Variants in PRKG1 observed in about 807,000 individuals in gnomAD.
PRKG1 encodes cGMP-dependent protein kinase 1.
Under a neutral mutation model 88.1 loss-of-function variants are expected in PRKG1, and 35 were observed. The observed-to-expected ratio is 0.40, with a 90% CI of 0.30 to 0.53. The LOEUF (loss-of-function observed/expected upper bound fraction) is 0.53, where lower values mean the gene tolerates loss of function less well. Ranked by LOEUF, PRKG1 falls within the 20% of genes least tolerant of loss-of-function variation. The pLI is 0.59. For synonymous variants in PRKG1, 303 were observed against 292.5 expected, an observed-to-expected ratio of 1.04 and a Z score of -0.37; for missense variants, 540 against 839.8, an observed-to-expected ratio of 0.64 and a Z score of 4.41.
chr10:51,192,832 A>T (rs1837664493), intron 2 of PRKG1, among the ~76,000 whole-genome samples: 1 of 151,966 alleles, frequency 6.6e-6, no homozygotes, highest in Admixed American at 6.6e-5. Context: ...ATGGCCATTC[A>T]TATCTGGAAG....
At chr10:52,209,937 G>A (rs535965426) in intron 9 of PRKG1, among the ~76,000 whole-genome samples, 9 of 152,118 alleles carry the variant, frequency 5.9e-5, no homozygotes, top group Non-Finnish European at 1.0e-4. Flanking sequence ...GTAACCATTT[G>A]CAAATCAGAA....
At chr10:51,834,047 TTAGGGCTAAATAGTATTCCATTGTGTA>T (rs1403173822) in intron 4 of PRKG1, among the ~76,000 whole-genome samples, 1 of 152,204 alleles carries the variant, frequency 6.6e-6, no homozygotes, top group Admixed American at 6.5e-5. Context: ...TGTTTTCTTT[TTAGGGCTAAATAGTATTCCATTGTGTA>T]TAGGGCTAAA....
intron 3 of PRKG1, among the ~76,000 whole-genome samples, chr10:51,514,052 C>G: frequency 7.0e-6 from 1 of 142,674 alleles, no homozygotes; most frequent in African/African-American, 2.7e-5. Context: ...ATCAATGAAT[C>G]CAGGAGCTGG....
intron 5 of PRKG1, among the ~76,000 whole-genome samples, chr10:51,914,337 C>CA (rs1266244366): frequency 1.3e-5 from 2 of 151,930 alleles, no homozygotes; most frequent in Admixed American, 6.6e-5. Context: ...TAATATGTCA[C>CA]AAAAAGCACT....
At chr10:51,906,007 G>GTGT (rs1429069888) in intron 4 of PRKG1, among the ~76,000 whole-genome samples, 1 of 152,152 alleles carries the variant, frequency 6.6e-6, no homozygotes, top group Non-Finnish European at 1.5e-5. Flanking sequence ...TGTAGTACGA[G>GTGT]ATTAAAGAGA....
intron 3 of PRKG1, among the ~76,000 whole-genome samples, chr10:51,700,348 A>G (rs1204860063): frequency 6.6e-6 from 1 of 152,192 alleles, no homozygotes; most frequent in Non-Finnish European, 1.5e-5. Context: ...ACCGATTTCA[A>G]TATTAATTGG....
At position 52,251,701 on chromosome 10, in the gene PRKG1, T is replaced by C. The variant is rs752621607; in HGVS notation, c.1173+35T>C. 2.6e-6 allele frequency: 4 copies of C among 1,519,578 alleles called. No homozygotes were observed. In the South Asian group the frequency reaches 3.5e-5, roughly 13 times the overall value. The allele number at this position is 1,519,578 out of a possible 1,614,324, so 94.1% of individuals were successfully genotyped here. On this transcript the variant is annotated intron_variant, in intron 10 of 17. Coordinates refer to ENST00000373980, the MANE Select transcript of PRKG1 (RefSeq NM_006258.4). ...TGTTCTTTAAATGCTTTTGATCGCC[T>C]CTGCTTCCTTTTTAATTTTTTCCCC...
At chr10:51,967,116 T>C in intron 5 of PRKG1, among the ~76,000 whole-genome samples, 1 of 152,124 alleles carries the variant, frequency 6.6e-6, no homozygotes, top group Admixed American at 6.5e-5. Flanking sequence ...CACACGTATG[T>C]TTATTGCAGC....
intron 5 of PRKG1, among the ~76,000 whole-genome samples, chr10:51,951,797 T>C (rs1245552239): frequency 6.6e-6 from 1 of 152,184 alleles, no homozygotes; most frequent in Non-Finnish European, 1.5e-5. Context: ...AAGAGAAAGG[T>C]AACTGGAGTA....
chr10:51,375,425 G>GTTT (rs35026545), intron 2 of PRKG1, among the ~76,000 whole-genome samples: 16 of 146,240 alleles, frequency 1.1e-4, no homozygotes, highest in South Asian at 2.2e-4. Flanking sequence ...TGGATTTGGG[G>GTTT]TTTTTTTTTT....
At chr10:51,424,591 A>G (rs1838520088) in intron 2 of PRKG1, among the ~76,000 whole-genome samples, 2 of 152,146 alleles carry the variant, frequency 1.3e-5, no homozygotes, top group Non-Finnish European at 2.9e-5. Context: ...CTATATAGGT[A>G]CTTCTTGTCA....
At chr10:51,421,795 T>C (rs566777667) in intron 2 of PRKG1, among the ~76,000 whole-genome samples, 2 of 152,294 alleles carry the variant, frequency 1.3e-5, no homozygotes, top group East Asian at 1.9e-4. Flanking sequence ...GCCCACTCAT[T>C]CTAAGATCCC....
At chr10:51,728,690 C>G (rs1412722514) in intron 3 of PRKG1, among the ~76,000 whole-genome samples, 1 of 151,800 alleles carries the variant, frequency 6.6e-6, no homozygotes, top group Non-Finnish European at 1.5e-5. Flanking sequence ...TACAGAGTGA[C>G]AAATAAAAGG....
intron 3 of PRKG1, among the ~76,000 whole-genome samples, chr10:51,528,541 C>T (rs1293837894): frequency 1.3e-5 from 2 of 149,522 alleles, no homozygotes; most frequent in Non-Finnish European, 3.0e-5. Context: ...TGTTTCCTGT[C>T]ATAGTTTTTC....
intron 3 of PRKG1, among the ~76,000 whole-genome samples, chr10:51,663,617 T>C (rs900003788): frequency 6.7e-6 from 1 of 149,324 alleles, no homozygotes; most frequent in African/African-American, 2.5e-5. Context: ...CTCTGGAGGC[T>C]GAGGTGACAG....
chr10:51,458,848 C>T lies in PRKG1; in HGVS notation c.479-8875C>T, dbSNP rs1022982226. Among the ~76,000 whole-genome samples, 73 of 151,984 alleles carry T rather than the reference C, an allele frequency of 4.8e-4. 1 individual carries two copies. The highest frequency in any genetic ancestry group is 3.1e-4 in the Non-Finnish European group (21 of 68,002). ...AGGTATTTTTCAACCAAACATGGATCGAAACTACAGAAACCCACACATAAG... is the reference window on the plus strand; with the variant it reads ...AGGTATTTTTCAACCAAACATGGATTGAAACTACAGAAACCCACACATAAG... On this transcript the variant is annotated intron_variant, in intron 2 of 17. Coordinates refer to ENST00000373980, the MANE Select transcript of PRKG1 (RefSeq NM_006258.4).
In PRKG1 at chr10:51,435,610, G is replaced by A. The variant is rs1564493685; in HGVS notation, c.479-32113G>A. Among the ~76,000 whole-genome samples, 3 of 151,978 alleles carry A rather than the reference G, an allele frequency of 2.0e-5. No homozygotes were observed. The South Asian group carries it at 6.2e-4, about 32-fold the overall frequency. Reference sequence around the variant, plus strand: ...TGAAATGTCTACCTTTCTTGGACTGGTTCAAAGTACACTGGAAACTATATT... The same window carrying A: ...TGAAATGTCTACCTTTCTTGGACTGATTCAAAGTACACTGGAAACTATATT... On this transcript the variant is annotated intron_variant, in intron 2 of 17. Coordinates refer to ENST00000373980, the MANE Select transcript of PRKG1 (RefSeq NM_006258.4).
intron 9 of PRKG1, among the ~76,000 whole-genome samples, chr10:52,199,111 CTGTTTCAA>C (rs1839589533): frequency 6.6e-6 from 1 of 151,430 alleles, no homozygotes; most frequent in Non-Finnish European, 1.5e-5. Context: ...TTTCCCGATT[CTGTTTCAA>C]TGTAAGGTTT....
intron 5 of PRKG1, among the ~76,000 whole-genome samples, chr10:52,012,245 CTTTTT>C (rs34119029): frequency 7.2e-6 from 1 of 139,186 alleles, no homozygotes; most frequent in Non-Finnish European, 1.5e-5. Flanking sequence ...ATTTATTTGC[CTTTTT>C]TTTTTTTTTG....
Sources: gnomAD v4.1 joint callset for allele counts (sites outside exome capture counted in the v4.1 genomes callset) on GRCh38, gnomAD v4.1.1 for gene constraint, MANE v1.5 for transcripts, NCBI Gene and HGNC (gene_info 2026-07-23, HGNC 2026-07-21) for gene names.